Variants in MDFIC2 observed in about 807,000 individuals in gnomAD.
MDFIC2 encodes the protein MyoD family inhibitor domain containing 2, also known as myoD family inhibitor domain-containing protein 2.
At chr3:70,235,329 A>G (rs771204329) in intron 2 of MDFIC2, among the ~76,000 whole-genome samples, 6 of 151,958 alleles carry the variant, frequency 3.9e-5, no homozygotes, top group Non-Finnish European at 7.4e-5. Flanking sequence ...TATTTTTTCC[A>G]TCTTCAAATT....
chr3:70,295,667 G>C (rs993239928), intron 2 of MDFIC2, among the ~76,000 whole-genome samples: 2 of 152,146 alleles, frequency 1.3e-5, no homozygotes, highest in African/African-American at 4.8e-5. Context: ...CCTCCAGCTT[G>C]AGTGACAGTG....
intron 2 of MDFIC2, among the ~76,000 whole-genome samples, chr3:70,248,700 G>A (rs1309255761): frequency 6.6e-6 from 1 of 152,024 alleles, no homozygotes; most frequent in African/African-American, 2.4e-5. Flanking sequence ...CATTGGAAAT[G>A]GACAGAATAA....
chr3:70,227,985 A>T (rs1701524830), intron 2 of MDFIC2, among the ~76,000 whole-genome samples: 1 of 151,492 alleles, frequency 6.6e-6, no homozygotes, highest in African/African-American at 2.4e-5. Flanking sequence ...ATAATATAAT[A>T]AATAATATTG....
intron 2 of MDFIC2, among the ~76,000 whole-genome samples, chr3:70,297,282 T>C (rs1702300191): frequency 6.6e-6 from 1 of 152,106 alleles, no homozygotes; most frequent in Non-Finnish European, 1.5e-5. Context: ...TCAAAGAGCC[T>C]ATCTGTTTAC....
chr3:70,250,263 C>T (rs568293808), intron 2 of MDFIC2, among the ~76,000 whole-genome samples: 8 of 152,090 alleles, frequency 5.3e-5, no homozygotes, highest in Non-Finnish European at 1.0e-4. Context: ...AAATCTCTCA[C>T]GTTCTATTGA....
intron 2 of MDFIC2, among the ~76,000 whole-genome samples, chr3:70,306,846 T>G (rs977159645): frequency 3.3e-5 from 5 of 152,194 alleles, no homozygotes; most frequent in African/African-American, 9.7e-5. Flanking sequence ...CTTCACATTT[T>G]TTAGGTCATA....
At chr3:70,310,518 A>G (rs1702444661) in intron 2 of MDFIC2, among the ~76,000 whole-genome samples, 1 of 151,850 alleles carries the variant, frequency 6.6e-6, no homozygotes, top group African/African-American at 2.4e-5. Flanking sequence ...GGGGTGTGCC[A>G]CCACATCTGA....
At chr3:70,205,145 C>A (rs1701278531) in intron 3 of MDFIC2, 1 of 151,946 alleles carries the variant, frequency 6.6e-6, no homozygotes, top group Non-Finnish European at 1.5e-5. Flanking sequence ...AATTATCAAC[C>A]CTGGAAAACT....
intron 2 of MDFIC2, among the ~76,000 whole-genome samples, chr3:70,305,813 G>A (rs1041252977): frequency 5.9e-5 from 9 of 152,068 alleles, no homozygotes; most frequent in African/African-American, 1.4e-4. Flanking sequence ...CAGTTTCTTC[G>A]TCTTATTTGA....
At chr3:70,245,238 C>T (rs948800787) in intron 2 of MDFIC2, among the ~76,000 whole-genome samples, 1 of 151,816 alleles carries the variant, frequency 6.6e-6, no homozygotes, top group Admixed American at 6.6e-5. Flanking sequence ...AAAATTATTT[C>T]AAAAGAAGAT....
At position 70,200,619 on chromosome 3, in the gene MDFIC2, C is replaced by G. The variant is rs181631614; in HGVS notation, c.311-3434G>C. ...CTCACAGCAATCTGTTTTATTTTTT[C>G]TTCATAGCACTGACCATACGATGGC... On this transcript the variant is annotated intron_variant, in intron 3 of 3. Transcript: ENST00000567252. 3.9e-5 allele frequency among the ~76,000 whole-genome samples: 6 copies of G among 152,270 alleles called. No homozygotes were observed. In the East Asian group the frequency reaches 1.2e-3, roughly 29 times the overall value.
At chr3:70,270,297 C>A (rs1328043633) in intron 2 of MDFIC2, among the ~76,000 whole-genome samples, 1 of 152,074 alleles carries the variant, frequency 6.6e-6, no homozygotes, top group Admixed American at 6.6e-5. Context: ...TATTTCAAAG[C>A]ATGGGAAATA....
At chr3:70,277,732 G>C (rs1046380658) in intron 2 of MDFIC2, among the ~76,000 whole-genome samples, 4 of 152,130 alleles carry the variant, frequency 2.6e-5, no homozygotes, top group Non-Finnish European at 5.9e-5. Context: ...ATTCACTTAA[G>C]AAACAGGGAG....
intron 2 of MDFIC2, among the ~76,000 whole-genome samples, chr3:70,283,161 T>C (rs1006454259): frequency 5.3e-5 from 8 of 152,150 alleles, no homozygotes; most frequent in African/African-American, 1.9e-4. Context: ...TAGGTGGTTG[T>C]GAGCATAAGC....
At chr3:70,284,593 T>C (rs1282673940) in intron 2 of MDFIC2, among the ~76,000 whole-genome samples, 2 of 152,130 alleles carry the variant, frequency 1.3e-5, no homozygotes, top group Non-Finnish European at 2.9e-5. Context: ...TCATGTCCTT[T>C]GCAAGGACTG....
chr3:70,242,129 A>G (rs1291206163), intron 2 of MDFIC2, among the ~76,000 whole-genome samples: 1 of 152,182 alleles, frequency 6.6e-6, no homozygotes, highest in African/African-American at 2.4e-5. Context: ...TAGGGATGAA[A>G]AGGAGTCTTG....
At chr3:70,197,229 C>T (rs1423870732) in intron 3 of MDFIC2, 44 bp from the exon 4 acceptor site, 4 of 398,032 alleles carry the variant, frequency 1.0e-5, no homozygotes, top group Non-Finnish European at 1.8e-5. Flanking sequence ...CATCTGGGGG[C>T]GTCTATGAAG....
intron 2 of MDFIC2, among the ~76,000 whole-genome samples, chr3:70,236,482 G>A (rs1701610184): frequency 1.3e-5 from 2 of 152,144 alleles, no homozygotes; most frequent in South Asian, 4.1e-4. Flanking sequence ...TCTTACTAAT[G>A]TGTAAGCCTT....
intron 3 of MDFIC2, among the ~76,000 whole-genome samples, chr3:70,201,146 C>G (rs1701234081): frequency 6.6e-6 from 1 of 151,846 alleles, no homozygotes; most frequent in Non-Finnish European, 1.5e-5. Flanking sequence ...ATTTCATCAC[C>G]CAGGTATTAA....
Sources: allele counts gnomAD v4.1 joint callset (sites outside exome capture counted in the v4.1 genomes callset), GRCh38; gene constraint gnomAD v4.1.1; transcripts MANE v1.5; gene names NCBI Gene and HGNC (gene_info 2026-07-23, HGNC 2026-07-21).